EML6: variants seen among roughly 807,000 people sequenced by gnomAD.
EML6 encodes EMAP like 6.
EML6 carries 154 observed loss-of-function variants against 240.1 expected under a neutral mutation model. That is an observed-to-expected ratio of 0.64 (90% CI 0.56 to 0.73). The LOEUF (loss-of-function observed/expected upper bound fraction) is 0.73. Ranked by LOEUF, EML6 falls within the 30% of genes least tolerant of loss-of-function variation. The pLI is 0.00. For synonymous variants in EML6, 1,148 were observed against 899.0 expected, an observed-to-expected ratio of 1.28 and a Z score of -4.95; for missense variants, 2,964 against 2,474.6, an observed-to-expected ratio of 1.20 and a Z score of -4.20.
At chr2:54,788,134 C>T (rs898580583) in intron 2 of EML6, among the ~76,000 whole-genome samples, 2 of 152,176 alleles carry the variant, frequency 1.3e-5, no homozygotes, top group African/African-American at 4.8e-5. Context: ...GCAGAACACC[C>T]GTGGACCTTA....
intron 24 of EML6, among the ~76,000 whole-genome samples, chr2:54,909,747 G>A (rs1673539428): frequency 6.6e-6 from 1 of 151,462 alleles, no homozygotes; most frequent in African/African-American, 2.4e-5. Flanking sequence ...AGAAGGCTGA[G>A]GCAAGAGAAT....
intron 19 of EML6, among the ~76,000 whole-genome samples, chr2:54,894,585 C>G (rs1325944340): frequency 2.0e-5 from 3 of 152,134 alleles, no homozygotes; most frequent in African/African-American, 7.2e-5. Context: ...GGTTTTGAGG[C>G]TGGTTCCATT....
chr2:54,906,156 G>C (rs1673317918), intron 24 of EML6, among the ~76,000 whole-genome samples: 2 of 152,122 alleles, frequency 1.3e-5, no homozygotes, highest in African/African-American at 4.8e-5. Flanking sequence ...TGTACACAAG[G>C]GTTCAAATCT....
intron 2 of EML6, among the ~76,000 whole-genome samples, chr2:54,771,242 CCTGGA>C (rs1407191090): frequency 6.6e-6 from 1 of 152,180 alleles, no homozygotes; most frequent in Non-Finnish European, 1.5e-5. Flanking sequence ...AAGCCTTTAA[CCTGGA>C]CTGGCTAGAT....
chr2:54,808,601 T>A (rs1670621411), intron 2 of EML6, among the ~76,000 whole-genome samples: 1 of 151,590 alleles, frequency 6.6e-6, no homozygotes. Flanking sequence ...TGGGCAAAAA[T>A]GAAATGAGGC....
intron 17 of EML6, among the ~76,000 whole-genome samples, chr2:54,883,345 T>C (rs1038223030): frequency 2.6e-5 from 4 of 152,224 alleles, no homozygotes; most frequent in Admixed American, 2.6e-4. Context: ...TTCTATATTA[T>C]TCTATATTTT....
rs1181839290 is a variant in EML6, at chr2:54,849,990, G to C, written c.1216G>C (p.Asp406His). Residue 406 changes from aspartate (D) to histidine (H), a missense_variant, in exon 10 of 42, where the codon GAT (aspartate) becomes CAT (histidine). Physicochemically the swap from Asp to His is moderately conservative, Grantham distance 81. Transcript: ENST00000356458. ...TATGACAGAAGTAGTTCACATCAAA[G>C]ATCGAAAAGAAGTCATTCATGAAAT... The part of the protein sequence containing the change: ...RDMTEVVHIK[D>H]RKEVIHEMKF... 9.7e-6 allele frequency: 15 copies of C among 1,551,422 alleles called. No individual in the cohort carries two copies. Among genetic ancestry groups the C allele is most frequent in the Non-Finnish European group, 1.3e-5 (15 of 1,146,748 alleles).
At chr2:54,952,443 C>G (rs1241536638) in intron 30 of EML6, 151 bp from the exon 31 acceptor site, 1 of 543,438 alleles carries the variant, frequency 1.8e-6, no homozygotes, top group African/African-American at 1.9e-5. Flanking sequence ...GACCCTTCAT[C>G]TCCCCAAGTG....
intron 2 of EML6, among the ~76,000 whole-genome samples, chr2:54,742,204 A>G (rs1309660875): frequency 3.9e-5 from 6 of 151,992 alleles, no homozygotes; most frequent in Admixed American, 6.6e-5. Flanking sequence ...GGCCAACTCT[A>G]TTGCTTCTGG....
intron 28 of EML6, among the ~76,000 whole-genome samples, chr2:54,932,645 A>C (rs984105992): frequency 3.3e-5 from 5 of 152,202 alleles, no homozygotes; most frequent in Admixed American, 2.6e-4. Flanking sequence ...TTTGGGAGAA[A>C]AAATGAAGGA....
chr2:54,761,376 A>G (rs1667976079), intron 2 of EML6, among the ~76,000 whole-genome samples: 2 of 152,184 alleles, frequency 1.3e-5, no homozygotes, highest in South Asian at 4.1e-4. Flanking sequence ...GGGAAATACC[A>G]GGGATTAAAC....
chr2:54,784,674 T>C (rs1037147832), intron 2 of EML6, among the ~76,000 whole-genome samples: 1 of 152,236 alleles, frequency 6.6e-6, no homozygotes, highest in African/African-American at 2.4e-5. Flanking sequence ...TTCTATGTTA[T>C]ATGTATTATA....
chr2:54,964,450 G>C, intron 37 of EML6, 121 bp from the exon 38 acceptor site: 1 of 891,006 alleles, frequency 1.1e-6, no homozygotes, highest in African/African-American at 1.7e-5. Context: ...GACCACATGT[G>C]AGTCACAAGG....
In EML6 at chr2:54,951,537, T is replaced by A. The variant is rs142239355; in HGVS notation, c.4213+758T>A. 7.7e-5 allele frequency among the ~76,000 whole-genome samples: 9 copies of A among 117,534 alleles called. No individual in the cohort carries two copies. In the East Asian group the frequency reaches 1.5e-3, roughly 20 times the overall value. The allele number at this position is 117,534 out of a possible 152,430, so 77.1% of individuals were successfully genotyped here. ...TCCAGCCTGAGCAACAGAGGGAGACTCTTATTTCAAAAAGAAAAAAAAAAA... is the reference window on the plus strand; with the variant it reads ...TCCAGCCTGAGCAACAGAGGGAGACACTTATTTCAAAAAGAAAAAAAAAAA... On this transcript the variant is annotated intron_variant, in intron 30 of 41. Transcript: ENST00000356458.
intron 2 of EML6, among the ~76,000 whole-genome samples, chr2:54,789,513 CAAAAAAAAAAAAAAAAAAAAAAAAA>C (rs576842183): frequency 1.3e-5 from 1 of 77,898 alleles, no homozygotes; most frequent in Admixed American, 1.8e-4. Context: ...GACTTCGTCT[CAAAAAAAAAAAAAAAAAAAAAAAAA>C]AAAAAAAAAA....
chr2:54,828,191 TA>T (rs1668690849), intron 6 of EML6, among the ~76,000 whole-genome samples: 1 of 152,092 alleles, frequency 6.6e-6, no homozygotes, highest in Admixed American at 6.5e-5. Context: ...TATTGGTTGG[TA>T]AGATAGATTT....
At chr2:54,732,669 A>C (rs552374075) in intron 2 of EML6, among the ~76,000 whole-genome samples, 10 of 152,378 alleles carry the variant, frequency 6.6e-5, no homozygotes, top group African/African-American at 2.4e-4. Flanking sequence ...GGAAATAATC[A>C]TTAAAGAGGT....
chr2:54,839,762 T>C (rs1669341385), intron 7 of EML6, among the ~76,000 whole-genome samples: 1 of 152,238 alleles, frequency 6.6e-6, no homozygotes, highest in Non-Finnish European at 1.5e-5. Flanking sequence ...CCTGGCACTC[T>C]TCTGAGGAAT....
At chr2:54,952,861 C>G (rs911963163) in intron 31 of EML6, among the ~76,000 whole-genome samples, 169 bp downstream of exon 31, 1 of 152,140 alleles carries the variant, frequency 6.6e-6, no homozygotes, top group Admixed American at 6.5e-5. Context: ...GTTGACACAT[C>G]CAGTGACTGT....
Sources: gnomAD v4.1 joint callset for allele counts (sites outside exome capture counted in the v4.1 genomes callset) on GRCh38, gnomAD v4.1.1 for gene constraint, MANE v1.5 for transcripts, NCBI Gene and HGNC (gene_info 2026-07-23, HGNC 2026-07-21) for gene names.